Variants in UBA2 observed in about 807,000 individuals in gnomAD.
The protein encoded by UBA2 is ubiquitin like modifier activating enzyme 2, also known as SUMO-activating enzyme subunit 2.
UBA2 carries 11 observed loss-of-function variants against 77.2 expected under a neutral mutation model. The ratio of observed to expected loss-of-function variants is 0.14; its 90% CI spans 0.09 to 0.24. The LOEUF is 0.24. Ranked by LOEUF, UBA2 falls within the 10% of genes least tolerant of loss-of-function variation. The pLI is 1.00. For synonymous variants in UBA2, 278 were observed against 276.7 expected, an observed-to-expected ratio of 1.00 and a Z score of -0.05; for missense variants, 487 against 781.7, an observed-to-expected ratio of 0.62 and a Z score of 4.50.
chr19:34,444,044 G>GTTTTTTTTT lies in UBA2; in HGVS notation c.649+149_649+157dup, dbSNP rs35028159. 3.3e-3 allele frequency: 571 copies of GTTTTTTTTT among 175,640 alleles called. 3 individuals carry two copies. Among genetic ancestry groups the GTTTTTTTTT allele is most frequent in the South Asian group, 5.6e-3 (80 of 14,408 alleles). 10.9% of individuals were successfully genotyped at this position (175,640 alleles called of 1,614,324 possible). On this transcript the variant is annotated intron_variant, in intron 7 of 16. Transcript: ENST00000246548. ...TGTGTTTAACATGTGTTTTTTTTTT[G>GTTTTTTTTT]TTTTTTTTTTTTTTTTTTTTTTTTG...
intron 1 of UBA2, 128 bp downstream of exon 1, chr19:34,428,698 C>A (rs2075215548): frequency 1.7e-6 from 2 of 1,191,604 alleles, no homozygotes; most frequent in South Asian, 8.4e-5. Flanking sequence ...GGAGCGGGGG[C>A]AGGCTGAGAG....
intron 16 of UBA2, among the ~76,000 whole-genome samples, chr19:34,467,965 T>C (rs1568388321): frequency 6.6e-6 from 1 of 152,336 alleles, no homozygotes; most frequent in African/African-American, 2.4e-5. Flanking sequence ...TCTGACTATT[T>C]TGAGTGAACA....
intron 6 of UBA2, among the ~76,000 whole-genome samples, chr19:34,439,945 A>G (rs923088704): frequency 6.6e-6 from 1 of 152,210 alleles, no homozygotes; most frequent in African/African-American, 2.4e-5. Flanking sequence ...CAGAGATTAA[A>G]TAGGCTATAA....
intron 1 of UBA2, chr19:34,429,107 A>T: frequency 1.0e-6 from 1 of 983,838 alleles, no homozygotes; most frequent in Non-Finnish European, 1.2e-6. Flanking sequence ...ACCCTGCTTT[A>T]TTTTTAACAG....
chr19:34,433,307 G>A (rs1354399959), intron 3 of UBA2, 41 bp from the exon 4 acceptor site: 2 of 1,383,656 alleles, frequency 1.4e-6, no homozygotes, highest in African/African-American at 1.4e-5. Context: ...TCATGTGGAA[G>A]GCTAGTTATT....
At chr19:34,461,381 G>A (rs1385493488) in intron 14 of UBA2, among the ~76,000 whole-genome samples, 1 of 152,166 alleles carries the variant, frequency 6.6e-6, no homozygotes, top group Non-Finnish European at 1.5e-5. Context: ...CTTGGTTGTA[G>A]TTGCTTGTTG....
At chr19:34,447,607 G>A (rs969507549) in intron 8 of UBA2, among the ~76,000 whole-genome samples, 2 of 152,190 alleles carry the variant, frequency 1.3e-5, no homozygotes, top group African/African-American at 4.8e-5. Flanking sequence ...ACCTCTTTAA[G>A]TACAGGGGAT....
At chr19:34,451,936 G>A (rs1227098970) in intron 9 of UBA2, 45 bp from the exon 10 acceptor site, 2 of 1,139,612 alleles carry the variant, frequency 1.8e-6, no homozygotes, top group South Asian at 3.4e-5. Context: ...GTAGAGGAAT[G>A]ATGTTAATTA....
At chr19:34,451,850 G>A in intron 9 of UBA2, 131 bp from the exon 10 acceptor site, 1 of 526,636 alleles carries the variant, frequency 1.9e-6, no homozygotes, top group Non-Finnish European at 3.0e-6. Context: ...CTGGCCCCAT[G>A]ATAATTATTT....
At chr19:34,438,013 T>C (rs1010293097) in intron 5 of UBA2, among the ~76,000 whole-genome samples, 2 of 152,164 alleles carry the variant, frequency 1.3e-5, no homozygotes, top group Admixed American at 6.6e-5. Flanking sequence ...ATTATGCCAC[T>C]GTACTCCAGC....
chr19:34,467,497 TGG>T (rs2075700045), intron 16 of UBA2, among the ~76,000 whole-genome samples: 1 of 147,756 alleles, frequency 6.8e-6, no homozygotes, highest in Non-Finnish European at 1.5e-5. Flanking sequence ...ATTTAAGGCC[TGG>T]CATGGTGGCT....
At chr19:34,431,826 A>G (rs893454052) in intron 2 of UBA2, 35 bp from the exon 3 acceptor site, 1 of 1,579,476 alleles carries the variant, frequency 6.3e-7, no homozygotes, top group South Asian at 1.1e-5. Context: ...AGGAACAGAA[A>G]TATTGTAGTA....
intron 1 of UBA2, among the ~76,000 whole-genome samples, chr19:34,429,917 T>G (rs929174356): frequency 1.3e-5 from 2 of 152,150 alleles, no homozygotes; most frequent in Non-Finnish European, 2.9e-5. Flanking sequence ...AGAGAAATAC[T>G]TTAGTATTTT....
At chr19:34,456,100 C>CTTTTCTTTTTTTTTTTTTTTTTTTTTTT (rs2075557152) in intron 12 of UBA2, among the ~76,000 whole-genome samples, 5 of 55,782 alleles carry the variant, frequency 9.0e-5, no homozygotes, top group African/African-American at 2.2e-4. Context: ...TTTTCCTTTT[C>CTTTTCTTTTTTTTTTTTTTTTTTTTTTT]TTTTTCTTTT....
chr19:34,432,230 AT>A (rs1369606722), intron 3 of UBA2, among the ~76,000 whole-genome samples: 1 of 152,228 alleles, frequency 6.6e-6, no homozygotes, highest in Admixed American at 6.5e-5. Context: ...CTTATTTATG[AT>A]GATTCAGACT....
intron 12 of UBA2, among the ~76,000 whole-genome samples, chr19:34,456,696 T>C (rs1269483114): frequency 6.6e-6 from 1 of 151,910 alleles, no homozygotes; most frequent in African/African-American, 2.4e-5. Flanking sequence ...TAGCTGGGAT[T>C]ACAGGCGGGT....
At chr19:34,435,091 T>C (rs1446178766) in intron 5 of UBA2, 123 bp downstream of exon 5, 6 of 713,380 alleles carry the variant, frequency 8.4e-6, no homozygotes, top group Non-Finnish European at 1.2e-5. Context: ...AGGACTTTTA[T>C]GCTTATATAA....
intron 9 of UBA2, 47 bp downstream of exon 9, chr19:34,450,411 T>G: frequency 7.4e-7 from 1 of 1,352,900 alleles, no homozygotes; most frequent in Non-Finnish European, 1.0e-6. Flanking sequence ...GGAAATATCC[T>G]CGCGTAAAGT....
At chr19:34,438,078 A>G (rs2075329186) in intron 5 of UBA2, among the ~76,000 whole-genome samples, 1 of 152,178 alleles carries the variant, frequency 6.6e-6, no homozygotes, top group Non-Finnish European at 1.5e-5. Flanking sequence ...ACGTATATCA[A>G]TAAAATGAAG....
Sources: gnomAD v4.1 joint callset for allele counts (sites outside exome capture counted in the v4.1 genomes callset) on GRCh38, gnomAD v4.1.1 for gene constraint, MANE v1.5 for transcripts, NCBI Gene and HGNC (gene_info 2026-07-23, HGNC 2026-07-21) for gene names.